ASAP3: variants seen among roughly 807,000 people sequenced by gnomAD.
ASAP3 encodes the protein ArfGAP with SH3 domain, ankyrin repeat and PH domain 3, also known as arf-GAP with SH3 domain, ANK repeat and PH domain-containing protein 3.
ASAP3 carries 85 observed loss-of-function variants against 118.2 expected under a neutral mutation model. That is an observed-to-expected ratio of 0.72 (90% confidence interval 0.60 to 0.86). The LOEUF (loss-of-function observed/expected upper bound fraction) is 0.86. Among genes scored for constraint, ASAP3 ranks in the 40% least tolerant of loss-of-function variants. The pLI is 0.00. For missense variants in ASAP3, 1,026 were observed against 1,175.0 expected (o/e 0.87, Z 1.85); for synonymous variants, 432 against 477.4 (o/e 0.90, Z 1.24).
At chr1:23,434,123 G>T in intron 19 of ASAP3, 131 bp downstream of exon 19, 1 of 831,150 alleles carries the variant, frequency 1.2e-6, no homozygotes, top group Non-Finnish European at 2.0e-6. Context: ...AAATTCAAGA[G>T]CTGAATGACA....
Position 23,436,584 on chromosome 1 carries a change from G to C in ASAP3, c.1547C>G (p.Pro516Arg), listed in dbSNP as rs140530758. 4 of 1,614,096 alleles carry C rather than the reference G, an allele frequency of 2.5e-6. No homozygotes were observed. Among genetic ancestry groups the C allele is most frequent in the Non-Finnish European group, 3.4e-6 (4 of 1,180,046 alleles). ...MEAQLPSHGG[P>R]KPSAESDMGT... ...CATGTCACTCTCAGCTGAGGGTTTA[G>C]GGCCGCCGTGTGAGGGTAGCTGGGC... Residue 516 changes from proline to arginine, a missense_variant, in exon 16 of 25, where the codon CCT becomes CGT. Pro to Arg is a moderately radical substitution (Grantham distance 103). Coordinates refer to ENST00000336689, the MANE Select transcript of ASAP3 (RefSeq NM_017707.4). This position sits in a 1 kb window ranked among gnomAD's most constrained non-coding sequence, Gnocchi z 4.2.
intron 1 of ASAP3, among the ~76,000 whole-genome samples, chr1:23,460,616 A>G (rs1415296017): frequency 1.3e-5 from 2 of 152,140 alleles, no homozygotes; most frequent in Non-Finnish European, 2.9e-5. Context: ...AGAAACTCCC[A>G]TTGTTGGTGG....
intron 6 of ASAP3, 44 bp downstream of exon 6, chr1:23,442,457 G>T (rs768215373): frequency 6.2e-7 from 1 of 1,603,448 alleles, no homozygotes; most frequent in South Asian, 1.1e-5. Context: ...CAGACAGGAA[G>T]ACACATCCCA....
intron 5 of ASAP3, among the ~76,000 whole-genome samples, chr1:23,443,510 T>C (rs1570353075): frequency 2.0e-5 from 3 of 152,220 alleles, no homozygotes; most frequent in South Asian, 4.1e-4. Flanking sequence ...TCTGAGCCCA[T>C]GGAGCTTCAT....
chr1:23,484,070 C>G lies in ASAP3; in HGVS notation c.64G>C (p.Ala22Pro). The change falls in exon 1 of 25, where the codon GCT becomes CCT. Residue 22 changes from alanine to proline, a missense_variant. Ala to Pro is a conservative substitution (Grantham distance 27). Transcript: ENST00000336689. The stretch of plus-strand genomic sequence containing the variant: ...TTGGCGGCGAAGGCGGCGGCCCCAG[C>G]CGGGGAGCTGAGGTCCTCCGCGGTG... ...AVTAEDLSSP[A>P]GAAAFAAKMP... The G allele has an allele frequency of 7.4e-7, 1 of 1,351,568 alleles. No individual in the cohort carries two copies. The highest frequency in any genetic ancestry group is 9.5e-7 in the Non-Finnish European group (1 of 1,052,974). The allele number at this position is 1,351,568 out of a possible 1,614,324, so 83.7% of individuals were successfully genotyped here.
rs528694986 is a variant in ASAP3, at chr1:23,448,579, C to T, written c.473+2900G>A. On this transcript the variant is annotated intron_variant, in intron 5 of 24. Coordinates refer to ENST00000336689, the MANE Select transcript of ASAP3 (RefSeq NM_017707.4). ...AGTAGCTGAGATTACAGTCATTAGC[C>T]ACCATGTGTGGCTTCTAAATATATG... Among the ~76,000 whole-genome samples, 7 of 151,858 alleles carry T rather than the reference C, an allele frequency of 4.6e-5. No individual in the cohort carries two copies. In the South Asian group the frequency reaches 1.5e-3, roughly 32 times the overall value.
chr1:23,443,462 CT>C (rs1326465460), intron 5 of ASAP3, among the ~76,000 whole-genome samples: 13 of 152,302 alleles, frequency 8.5e-5, no homozygotes, highest in African/African-American at 3.1e-4. Flanking sequence ...CAGTGTTTGA[CT>C]TTCTGTTTCT....
At chr1:23,465,722 G>C (rs1305297268) in intron 1 of ASAP3, among the ~76,000 whole-genome samples, 2 of 151,942 alleles carry the variant, frequency 1.3e-5, no homozygotes, top group African/African-American at 4.8e-5. Context: ...GGCTGGTCTC[G>C]AACTCCCGAC....
chr1:23,454,615 G>A (rs1031151376), intron 3 of ASAP3, among the ~76,000 whole-genome samples: 12 of 152,198 alleles, frequency 7.9e-5, no homozygotes, highest in African/African-American at 2.7e-4. Flanking sequence ...GTTGCACCCA[G>A]CCTCAAACAC....
chr1:23,475,900 C>T (rs1023579435), intron 1 of ASAP3, among the ~76,000 whole-genome samples: 2 of 152,116 alleles, frequency 1.3e-5, no homozygotes, highest in Non-Finnish European at 1.5e-5. Context: ...CTGTGGTGAG[C>T]TATGACTGCA....
rs554814285 is a variant in ASAP3 at position 23,431,112 on chromosome 1, G to A, written c.2560C>T (p.Arg854Cys). ...LPVRFSSEST[R>C]SYRRGARSPE... is the part of the protein sequence containing the mutation. ...CTCCGCGCCCCCCGCCGATAGGAGC[G>A]AGTGCTCTCGGAGCTGGAAGGCAGG... The change falls in exon 24 of 25, where the codon CGC becomes TGC. Residue 854 changes from arginine to cysteine, a missense_variant. Transcript: ENST00000336689. 1.2e-5 allele frequency: 19 copies of A among 1,589,718 alleles called. No homozygotes were observed. Among genetic ancestry groups the A allele is most frequent in the East Asian group, 2.3e-5 (1 of 43,860 alleles).
Position 23,455,944 on chromosome 1 carries a change from C to A in ASAP3, c.285G>T (p.Leu95=). ...NSHLSQNSHE[L]STGFLNLAVF... is the part of the protein sequence containing the mutation. ...CGGCCAAGTTTAGGAAGCCTGTGGA[C>A]AGCTCATGGCTGTTCTGGGACAGGT... The change falls in exon 3 of 25, where the codon CTG becomes CTT. Residue 95 remains leucine, a synonymous_variant. Transcript: ENST00000336689. 1 of 1,614,174 alleles carries A rather than the reference C, an allele frequency of 6.2e-7. No homozygotes were observed. The highest frequency in any genetic ancestry group is 8.5e-7 in the Non-Finnish European group (1 of 1,180,038).
At chr1:23,435,638 G>T in intron 17 of ASAP3, 2 of 620,254 alleles carry the variant, frequency 3.2e-6, no homozygotes. Flanking sequence ...GAAGTAACCT[G>T]CCCTAGATCA....
intron 1 of ASAP3, among the ~76,000 whole-genome samples, chr1:23,461,589 G>A (rs1641587095): frequency 6.6e-6 from 1 of 151,692 alleles, no homozygotes; most frequent in African/African-American, 2.4e-5. Context: ...TGACCCCAGG[G>A]AGTTGAGGCT....
chr1:23,466,866 A>ATTTTTTTTTTTTTTTTTT (rs1641785605), intron 1 of ASAP3, among the ~76,000 whole-genome samples: 1 of 151,964 alleles, frequency 6.6e-6, no homozygotes, highest in African/African-American at 2.4e-5. Flanking sequence ...TACAGCCATT[A>ATTTTTTTTTTTTTTTTTT]TTATTATTAT....
chr1:23,484,320 C>A (rs1344237556), upstream of ASAP3: 3 of 503,362 alleles, frequency 6.0e-6, no homozygotes, highest in Admixed American at 5.0e-5. Context: ...GCCCCCGGCT[C>A]CTCGCCTTCC....
At chr1:23,446,681 G>T (rs558863843) in intron 5 of ASAP3, among the ~76,000 whole-genome samples, 2 of 152,162 alleles carry the variant, frequency 1.3e-5, no homozygotes, top group East Asian at 3.9e-4. Flanking sequence ...CAGGTGATCT[G>T]CCTGCCTCGG....
chr1:23,446,035 C>T (rs1364736666), intron 5 of ASAP3, among the ~76,000 whole-genome samples: 1 of 151,980 alleles, frequency 6.6e-6, no homozygotes, highest in East Asian at 1.9e-4. Flanking sequence ...CCCTCCATAT[C>T]TGTGGGTGTA....
intron 1 of ASAP3, among the ~76,000 whole-genome samples, chr1:23,475,463 G>A (rs755483799): frequency 2.0e-5 from 3 of 152,206 alleles, no homozygotes; most frequent in Middle Eastern, 3.4e-3. Flanking sequence ...GGTTTCTCTT[G>A]CTTGCCATAA....
Sources: gnomAD v4.1 joint callset for allele counts (sites outside exome capture counted in the v4.1 genomes callset) on GRCh38, gnomAD v4.1.1 for gene constraint, Gnocchi (gnomAD v3.1) non-coding constraint, MANE v1.5 for transcripts, NCBI Gene and HGNC (gene_info 2026-07-23, HGNC 2026-07-21) for gene names.